NPAT: variants seen among roughly 807,000 people sequenced by gnomAD.
NPAT encodes the protein protein NPAT.
In NPAT, 52 loss-of-function variants were observed where a neutral mutation model predicts 130.7. The observed-to-expected ratio is 0.40, with a 90% confidence interval of 0.32 to 0.50. The LOEUF is 0.50. NPAT is among the 20% of genes least tolerant of loss of function. NPAT has a pLI of 0.68. For synonymous variants in NPAT, 580 were observed against 584.8 expected (o/e 0.99, Z 0.12); for missense variants, 1,687 against 1,662.6 (o/e 1.01, Z -0.26).
At chr11:108,212,675 C>T (rs539528745) in intron 1 of NPAT, among the ~76,000 whole-genome samples, 2 of 151,250 alleles carry the variant, frequency 1.3e-5, no homozygotes, top group South Asian at 2.1e-4. Flanking sequence ...CCAGGCACCA[C>T]GGCTCATACC....
chr11:108,176,736 A>G (rs1049128764), intron 11 of NPAT, among the ~76,000 whole-genome samples: 9 of 152,256 alleles, frequency 5.9e-5, no homozygotes, highest in Admixed American at 4.6e-4. Flanking sequence ...GTATAGTGGT[A>G]GACATCAACA....
At chr11:108,174,494 A>C (rs181008253) in intron 12 of NPAT, among the ~76,000 whole-genome samples, 61 of 152,036 alleles carry the variant, frequency 4.0e-4, no homozygotes, top group Non-Finnish European at 6.8e-4. Flanking sequence ...CATGGTAAAA[A>C]CTGTAACAGC....
chr11:108,216,002 T>C (rs1163920678), intron 1 of NPAT, among the ~76,000 whole-genome samples: 1 of 152,252 alleles, frequency 6.6e-6, no homozygotes, highest in African/African-American at 2.4e-5. Context: ...TGAAAAGTAA[T>C]TTTTATGATG....
At chr11:108,165,472 A>ATGTATAT (rs1555039325) in intron 15 of NPAT, among the ~76,000 whole-genome samples, 1 of 129,782 alleles carries the variant, frequency 7.7e-6, no homozygotes, top group Non-Finnish European at 1.6e-5. Flanking sequence ...ATATATATAT[A>ATGTATAT]TTTTTTTTTT....
chr11:108,215,020 C>T (rs1401261884), intron 1 of NPAT, among the ~76,000 whole-genome samples: 1 of 152,158 alleles, frequency 6.6e-6, no homozygotes, highest in Non-Finnish European at 1.5e-5. Flanking sequence ...ACCATTCCAT[C>T]GCTTCCAGCC....
chr11:108,217,967 G>T (rs1334237254), intron 1 of NPAT, among the ~76,000 whole-genome samples: 1 of 152,060 alleles, frequency 6.6e-6, no homozygotes, highest in Non-Finnish European at 1.5e-5. Flanking sequence ...CACCCAGCCT[G>T]GATGACAAGA....
At position 108,172,357 on chromosome 11, in the gene NPAT, G is replaced by T. The variant is rs1267957105; in HGVS notation, c.2627C>A (p.Thr876Lys). 6.2e-7 allele frequency: 1 copy of T among 1,614,198 alleles called. No homozygotes were observed. Among genetic ancestry groups the T allele is most frequent in the Admixed American group, 1.7e-5 (1 of 60,022 alleles). Residue 876 changes from threonine (T) to lysine (K), a missense_variant, in exon 13 of 18, where the codon ACA becomes AAA. Thr to Lys is a moderately conservative substitution (Grantham distance 78). Around this residue, in one of 3 missense-constraint regions of NPAT, gnomAD observed 1,379 missense variants for 1,346.6 expected, o/e 1.02. Transcript: ENST00000278612. ...ILIATCVTDP[T>K]ALGTSVSQSN... ...CTGACTTACAGATGTTCCTAACGCTGTTGGATCAGTCACACAGGTAGCTAT... is the reference window on the plus strand; with the variant it reads ...CTGACTTACAGATGTTCCTAACGCTTTTGGATCAGTCACACAGGTAGCTAT...
intron 1 of NPAT, among the ~76,000 whole-genome samples, chr11:108,221,351 T>C (rs1411172456): frequency 2.6e-5 from 4 of 152,208 alleles, no homozygotes; most frequent in South Asian, 2.1e-4. Flanking sequence ...TGTTTAAGAC[T>C]ATAGTTACCG....
intron 1 of NPAT, among the ~76,000 whole-genome samples, chr11:108,198,067 A>G (rs1024331964): frequency 1.3e-5 from 2 of 152,194 alleles, no homozygotes; most frequent in African/African-American, 4.8e-5. Context: ...TTGGCAAACA[A>G]TGGGATATTA....
chr11:108,192,460 T>G (rs1265286091), intron 3 of NPAT, among the ~76,000 whole-genome samples: 1 of 152,202 alleles, frequency 6.6e-6, no homozygotes, highest in Non-Finnish European at 1.5e-5. Flanking sequence ...ACACCTTCAT[T>G]TTATTAAAAA....
In NPAT at chr11:108,188,174, C is replaced by T; in HGVS notation, c.562G>A (p.Glu188Lys). The change falls in exon 7 of 18, where the codon GAA becomes AAA. Residue 188 changes from glutamate (E) to lysine (K), a missense_variant. By Grantham distance (56) the Glu-to-Lys change is moderately conservative (BLOSUM62 1). Transcript: ENST00000278612. ...GCACCAGGAATGACATTTAAAGCTTCTCCAGCTGTATTTCAAGAAAACATA... is the reference window on the plus strand; with the variant it reads ...GCACCAGGAATGACATTTAAAGCTTTTCCAGCTGTATTTCAAGAAAACATA... ...SQSQDTVTTGEALNVIPGAQE... is the reference protein window; with the variant it reads ...SQSQDTVTTGKALNVIPGAQE... 6.2e-7 allele frequency: 1 copy of T among 1,612,664 alleles called. No homozygotes were observed. Among genetic ancestry groups the T allele is most frequent in the South Asian group, 1.1e-5 (1 of 91,048 alleles).
At chr11:108,162,093 C>T (rs774857477) in intron 16 of NPAT, 27 bp downstream of exon 16, 28 of 1,612,174 alleles carry the variant, frequency 1.7e-5, no homozygotes, top group South Asian at 1.6e-4. Flanking sequence ...TTCAAACAAT[C>T]TATGATAGAA....
At chr11:108,187,651 TCAAA>T (rs981664278) in intron 7 of NPAT, among the ~76,000 whole-genome samples, 12 of 147,438 alleles carry the variant, frequency 8.1e-5, no homozygotes, top group African/African-American at 3.2e-4. Flanking sequence ...AAAATATCCT[TCAAA>T]CAAAGACACA....
At chr11:108,195,965 T>A (rs556574843) in intron 2 of NPAT, among the ~76,000 whole-genome samples, 9 of 152,190 alleles carry the variant, frequency 5.9e-5, no homozygotes, top group Non-Finnish European at 1.2e-4. Context: ...TAGAGCAAGT[T>A]TTTAATTTTT....
chr11:108,163,201 T>A (rs1476994810), intron 15 of NPAT, among the ~76,000 whole-genome samples: 1 of 152,110 alleles, frequency 6.6e-6, no homozygotes, highest in Admixed American at 6.5e-5. Context: ...TGCCTCAGCC[T>A]CCCGAGTAGC....
At position 108,176,324 on chromosome 11, in the gene NPAT, T is replaced by C. The variant is rs749877962; in HGVS notation, c.1054A>G (p.Met352Val). The C allele has an allele frequency of 4.5e-6, 7 of 1,564,544 alleles. No individual in the cohort carries two copies. The highest frequency in any genetic ancestry group is 1.7e-4 in the Middle Eastern group (1 of 5,988). Residue 352 changes from methionine (M) to valine (V), a missense_variant, in exon 12 of 18, where the codon ATG becomes GTG. Transcript: ENST00000278612. The part of the protein sequence containing the change: ...NISQSISSQP[M>V]ESNPSIVLAD... ...AAGACTATACTGGGATTGGATTCCA[T>C]AGGTTGACTGGAAATACTTTGTGAT... is the stretch of plus-strand genomic sequence containing the variant.
intron 1 of NPAT, among the ~76,000 whole-genome samples, chr11:108,206,675 G>A (rs572142623): frequency 6.6e-6 from 1 of 152,308 alleles, no homozygotes; most frequent in African/African-American, 2.4e-5. Flanking sequence ...CTCATTGTCT[G>A]CAACGTGGTG....
chr11:108,216,802 A>AT (rs1233802503), intron 1 of NPAT, among the ~76,000 whole-genome samples: 1 of 152,156 alleles, frequency 6.6e-6, no homozygotes, highest in Non-Finnish European at 1.5e-5. Context: ...TCTAGGATAC[A>AT]TTATCTTCTG....
At chr11:108,192,873 G>A (rs1591405013) in intron 3 of NPAT, among the ~76,000 whole-genome samples, 1 of 152,072 alleles carries the variant, frequency 6.6e-6, no homozygotes, top group Non-Finnish European at 1.5e-5. Context: ...AGAACTGCTT[G>A]AACCCGGGAG....
Sources: gnomAD v4.1 joint callset for allele counts (sites outside exome capture counted in the v4.1 genomes callset) on GRCh38, gnomAD v4.1.1 for gene constraint, gnomAD v4.1.1 regional missense constraint, MANE v1.5 for transcripts, NCBI Gene and HGNC (gene_info 2026-07-23, HGNC 2026-07-21) for gene names.